DLG2: variants seen among roughly 807,000 people sequenced by gnomAD.
DLG2 encodes the protein discs large MAGUK scaffold protein 2, also known as disks large homolog 2.
A neutral mutation model predicts 132.5 loss-of-function variants in DLG2; 45 were observed. The ratio of observed to expected loss-of-function variants is 0.34; its 90% confidence interval spans 0.27 to 0.44. The LOEUF (loss-of-function observed/expected upper bound fraction) is 0.44. Ranked by LOEUF, DLG2 falls within the 20% of genes least tolerant of loss-of-function variation. The pLI is 1.00. For synonymous variants in DLG2, 424 were observed against 419.6 expected, an observed-to-expected ratio of 1.01 and a Z score of -0.13; for missense variants, 1,045 against 1,196.9, an observed-to-expected ratio of 0.87 and a Z score of 1.87.
chr11:84,373,113 C>T (rs1469010962), intron 7 of DLG2, among the ~76,000 whole-genome samples: 3 of 151,510 alleles, frequency 2.0e-5, no homozygotes, highest in African/African-American at 4.9e-5. Context: ...GCAACTGAGT[C>T]CTAAATGTGA....
intron 15 of DLG2, among the ~76,000 whole-genome samples, chr11:83,901,962 C>G (rs2073570768): frequency 6.6e-6 from 1 of 152,078 alleles, no homozygotes; most frequent in African/African-American, 2.4e-5. Context: ...CAATTAATCA[C>G]TAAATATTAT....
At chr11:84,163,035 GT>G (rs1330700233) in intron 9 of DLG2, among the ~76,000 whole-genome samples, 3 of 152,058 alleles carry the variant, frequency 2.0e-5, no homozygotes, top group African/African-American at 7.2e-5. Context: ...TATGGGAGTA[GT>G]TTTAAAATGC....
At chr11:85,050,120 A>T (rs2062755505) in intron 6 of DLG2, among the ~76,000 whole-genome samples, 1 of 140,782 alleles carries the variant, frequency 7.1e-6, no homozygotes, top group Non-Finnish European at 1.6e-5. Flanking sequence ...CTGTGTCATC[A>T]CACACACACA....
intron 7 of DLG2, among the ~76,000 whole-genome samples, chr11:84,384,187 A>G (rs2098759598): frequency 6.6e-6 from 1 of 151,500 alleles, no homozygotes; most frequent in Non-Finnish European, 1.5e-5. Context: ...GCATTTTATC[A>G]TTGAACATAG....
chr11:84,654,430 A>G (rs2154547065), intron 6 of DLG2, among the ~76,000 whole-genome samples: 1 of 152,226 alleles, frequency 6.6e-6, no homozygotes, highest in East Asian at 1.9e-4. Context: ...ACTATTTTTC[A>G]CCTGCTAACT....
rs932207231 is a variant in DLG2 at position 85,018,484 on chromosome 11, A to G, written c.357+93177T>C. On this transcript the variant is annotated intron_variant, in intron 6 of 27. Transcript: ENST00000376104. ...AGCTAATGGAAAGATACATATGTCAACTTCTACTCTGTATCCCTATCAAAG... is the reference window on the plus strand; with the variant it reads ...AGCTAATGGAAAGATACATATGTCAGCTTCTACTCTGTATCCCTATCAAAG... Among the ~76,000 whole-genome samples, 35 of 152,334 alleles carry G rather than the reference A, an allele frequency of 2.3e-4. 4 individuals are homozygous for G. The highest frequency in any genetic ancestry group is 6.3e-4 in the African/African-American group (26 of 41,584).
intron 6 of DLG2, among the ~76,000 whole-genome samples, chr11:84,931,748 T>C (rs2048118568): frequency 6.6e-6 from 1 of 152,230 alleles, no homozygotes; most frequent in African/African-American, 2.4e-5. Context: ...AGTGTATGTG[T>C]TCCTTTTTAT....
At chr11:84,966,177 A>G (rs2053301397) in intron 6 of DLG2, among the ~76,000 whole-genome samples, 1 of 151,730 alleles carries the variant, frequency 6.6e-6, no homozygotes, top group Non-Finnish European at 1.5e-5. Context: ...TAGTAGATCT[A>G]TCTATCTATC....
chr11:85,473,251 T>C (rs1217360061), intron 3 of DLG2, among the ~76,000 whole-genome samples: 1 of 152,164 alleles, frequency 6.6e-6, no homozygotes, highest in Non-Finnish European at 1.5e-5. Context: ...AGCTCAGTCA[T>C]CCTGAGTGAA....
At chr11:84,043,769 C>T in intron 11 of DLG2, among the ~76,000 whole-genome samples, 1 of 151,598 alleles carries the variant, frequency 6.6e-6, no homozygotes, top group East Asian at 1.9e-4. Flanking sequence ...TTTTCAGTGA[C>T]ATCTATTTTT....
Position 83,823,756 on chromosome 11 carries a change from C to T in DLG2, c.1722+9858G>A, listed in dbSNP as rs942512887. ...GAGATGAATAAAACACAGTTTCATCCTCAAGGGAAGCTTCAAAGGATCTGA... is the reference window on the plus strand; with the variant it reads ...GAGATGAATAAAACACAGTTTCATCTTCAAGGGAAGCTTCAAAGGATCTGA... On this transcript the variant is annotated intron_variant, in intron 17 of 27. Coordinates refer to ENST00000376104, the MANE Select transcript of DLG2 (RefSeq NM_001142699.3). 5.3e-5 allele frequency among the ~76,000 whole-genome samples: 8 copies of T among 152,136 alleles called. No homozygotes were observed. In the East Asian group the frequency reaches 1.5e-3, roughly 29 times the overall value.
chr11:83,651,359 A>C (rs1163128785), intron 18 of DLG2, among the ~76,000 whole-genome samples: 1 of 152,230 alleles, frequency 6.6e-6, no homozygotes, highest in Non-Finnish European at 1.5e-5. Flanking sequence ...TGTGAAGATA[A>C]ATAAGATGAC....
chr11:84,950,039 A>G (rs1397748110), intron 6 of DLG2, among the ~76,000 whole-genome samples: 1 of 152,232 alleles, frequency 6.6e-6, no homozygotes, highest in Non-Finnish European at 1.5e-5. Context: ...TTCTTCTGCC[A>G]TGGCTTCAGC....
At chr11:84,321,229 G>A (rs1288171407) in intron 7 of DLG2, among the ~76,000 whole-genome samples, 1 of 152,068 alleles carries the variant, frequency 6.6e-6, no homozygotes, top group Admixed American at 6.5e-5. Flanking sequence ...TCACCATGAT[G>A]ACCACTGTGA....
chr11:83,583,467 C>T (rs57556839), intron 19 of DLG2, among the ~76,000 whole-genome samples: 1 of 152,270 alleles, frequency 6.6e-6, no homozygotes, highest in East Asian at 1.9e-4. Flanking sequence ...GATTCTAGAC[C>T]CACCTCTTCC....
chr11:84,551,928 C>T (rs1369342544), intron 6 of DLG2, among the ~76,000 whole-genome samples: 1 of 152,140 alleles, frequency 6.6e-6, no homozygotes, highest in Non-Finnish European at 1.5e-5. Context: ...TGAAGATGAT[C>T]CCTCAGCATC....
chr11:85,519,825 T>G (rs2074135062), intron 3 of DLG2, among the ~76,000 whole-genome samples: 1 of 152,096 alleles, frequency 6.6e-6, no homozygotes, highest in Non-Finnish European at 1.5e-5. Context: ...GTAAGTCTCA[T>G]GAGACCTGAT....
chr11:84,752,582 T>C (rs1191634808), intron 6 of DLG2, among the ~76,000 whole-genome samples: 1 of 143,268 alleles, frequency 7.0e-6, no homozygotes, highest in Non-Finnish European at 1.5e-5. Flanking sequence ...TTTTTTTTTA[T>C]TATACTTTAA....
At chr11:85,109,586 C>T (rs1315298163) in intron 6 of DLG2, among the ~76,000 whole-genome samples, 1 of 152,034 alleles carries the variant, frequency 6.6e-6, no homozygotes, top group African/African-American at 2.4e-5. Context: ...TTCCTTGCAA[C>T]AAGACTGCAC....
Sources: allele counts gnomAD v4.1 joint callset (sites outside exome capture counted in the v4.1 genomes callset), GRCh38; gene constraint gnomAD v4.1.1; transcripts MANE v1.5; gene names NCBI Gene and HGNC (gene_info 2026-07-23, HGNC 2026-07-21).